BPIFC: variants seen among roughly 807,000 people sequenced by gnomAD.
BPIFC encodes BPI fold containing family C, also known as BPI fold-containing family C protein.
Under a neutral mutation model 57.6 loss-of-function variants are expected in BPIFC, and 60 were observed. The observed-to-expected ratio is 1.04, with a 90% confidence interval of 0.85 to 1.29. BPIFC has a LOEUF of 1.29. Ranked by LOEUF, BPIFC falls within the 50% of genes most tolerant of loss-of-function variation. BPIFC has a pLI of 0.00. For synonymous variants in BPIFC, 243 were observed against 224.5 expected (o/e 1.08, Z -0.74); for missense variants, 581 against 600.5 (o/e 0.97, Z 0.34).
intron 14 of BPIFC, among the ~76,000 whole-genome samples, chr22:32,418,676 G>C (rs145567989): frequency 6.6e-6 from 1 of 152,100 alleles, no homozygotes; most frequent in African/African-American, 2.4e-5. Flanking sequence ...AATGAATACC[G>C]TTAATACTAA....
intron 3 of BPIFC, among the ~76,000 whole-genome samples, chr22:32,456,220 G>A (rs531894587): frequency 6.6e-6 from 1 of 152,328 alleles, no homozygotes; most frequent in African/African-American, 2.4e-5. Context: ...ATAGTAACAA[G>A]ATACACACAC....
At chr22:32,417,753 C>T (rs73170319) in intron 14 of BPIFC, among the ~76,000 whole-genome samples, 7,319 of 152,272 alleles carry the variant, frequency 0.048, 230 homozygotes, top group South Asian at 0.086. Context: ...TTAGATTTCC[C>T]AATTAGCAAT....
At chr22:32,461,516 G>A (rs1935159905) in intron 2 of BPIFC, 58 bp downstream of exon 2, 39 of 911,222 alleles carry the variant, frequency 4.3e-5, no homozygotes, top group Non-Finnish European at 5.1e-5. Flanking sequence ...AGCCCTCCAT[G>A]TCCTGAGAGG....
chr22:32,461,109 G>C (rs1935150093), intron 2 of BPIFC, among the ~76,000 whole-genome samples: 1 of 152,180 alleles, frequency 6.6e-6, no homozygotes, highest in South Asian at 2.1e-4. Flanking sequence ...GGGAGGACAG[G>C]GGATGTCTTA....
chr22:32,450,129 CACACACACACACAT>C (rs1934852959), intron 4 of BPIFC, among the ~76,000 whole-genome samples: 2 of 101,922 alleles, frequency 2.0e-5, no homozygotes, highest in South Asian at 2.7e-4. Flanking sequence ...CACACACACA[CACACACACACACAT>C]ATATACACAT....
In BPIFC at chr22:32,442,630, T is replaced by C. The variant is rs769705661; in HGVS notation, c.655+41A>G. 8.8e-6 allele frequency: 14 copies of C among 1,586,160 alleles called. No individual in the cohort carries two copies. The Admixed American group carries it at 1.2e-4, about 13-fold the overall frequency. ...CCCAGGCAGTACCAGCTTTTGAAGG[T>C]AGGAAGACAACCATCTGGAAAAGAC... is the stretch of plus-strand genomic sequence containing the variant. On this transcript the variant is annotated intron_variant, in intron 8 of 16. Coordinates refer to ENST00000300399, the MANE Select transcript of BPIFC (RefSeq NM_174932.3).
chr22:32,452,803 A>G (rs1934931543), intron 4 of BPIFC, among the ~76,000 whole-genome samples: 1 of 152,162 alleles, frequency 6.6e-6, no homozygotes, highest in African/African-American at 2.4e-5. Context: ...GTCACAGAGA[A>G]CCCCTTAGAA....
chr22:32,427,017 C>T (rs1474009139), intron 13 of BPIFC, among the ~76,000 whole-genome samples: 1 of 152,198 alleles, frequency 6.6e-6, no homozygotes, highest in Non-Finnish European at 1.5e-5. Flanking sequence ...GCTAAGGCAT[C>T]AGAGCACCAG....
At chr22:32,462,168 C>CAAAAAAAAAAAAAAAAAAAAAAAAAAA (rs35716277) in intron 1 of BPIFC, among the ~76,000 whole-genome samples, 65 of 53,554 alleles carry the variant, frequency 1.2e-3, no homozygotes, top group East Asian at 3.0e-3. Flanking sequence ...GACTCCATCT[C>CAAAAAAAAAAAAAAAAAAAAAAAAAAA]AAAAAAAAAA....
In BPIFC at chr22:32,453,452, A is replaced by G. The variant is rs765358108; in HGVS notation, c.176T>C (p.Leu59Pro). 9 of 1,606,898 alleles carry G rather than the reference A, an allele frequency of 5.6e-6. No individual in the cohort carries two copies. The highest frequency in any genetic ancestry group is 7.6e-6 in the Non-Finnish European group (9 of 1,178,342). The change falls in exon 4 of 17, where the codon CTC becomes CCC. Residue 59 changes from leucine (L) to proline (P), a missense_variant. Leu to Pro is a moderately conservative substitution (Grantham distance 98). Transcript: ENST00000300399. ...MIEQMLKEKKLPDLSGSESLE... is the reference protein window; with the variant it reads ...MIEQMLKEKKPPDLSGSESLE... Reference sequence around the variant, plus strand: ...AGACTCAGAACCGCTTAAATCTGGGAGTTTCTTTTCTTTTAGCATTTGCTC... The same window carrying G: ...AGACTCAGAACCGCTTAAATCTGGGGGTTTCTTTTCTTTTAGCATTTGCTC...
At chr22:32,426,685 A>C (rs1406993863) in intron 13 of BPIFC, among the ~76,000 whole-genome samples, 1 of 152,058 alleles carries the variant, frequency 6.6e-6, no homozygotes, top group Non-Finnish European at 1.5e-5. Flanking sequence ...TGAGGTCAGG[A>C]GTTCGAGACC....
chr22:32,432,276 C>T (rs1013155742), intron 12 of BPIFC, 97 bp downstream of exon 12: 17 of 1,338,586 alleles, frequency 1.3e-5, no homozygotes, highest in Non-Finnish European at 1.7e-5. Context: ...ATGTAGCATC[C>T]CCACCCTCTT....
At chr22:32,446,294 T>C (rs1934727397) in intron 5 of BPIFC, among the ~76,000 whole-genome samples, 1 of 152,182 alleles carries the variant, frequency 6.6e-6, no homozygotes, top group African/African-American at 2.4e-5. Context: ...TCATATACAA[T>C]GTTTGTTTGG....
In BPIFC at chr22:32,457,357, C is replaced by T; in HGVS notation, c.30G>A (p.Trp10Ter). Residue 10 changes from tryptophan (W) to a stop codon, truncating the protein, a stop_gained, in exon 3 of 17, where the codon TGG becomes TGA. Transcript: ENST00000300399. LOFTEE classifies it high-confidence loss of function. MCTKTIPVL[W>*]GCFLLWNLYV... ...AGAGATTCCACAGGAGGAAACATCC[C>T]CAGAGGACTGGGATTGTCTTTGTAC... is the stretch of plus-strand genomic sequence containing the variant. 4 of 1,610,390 alleles carry T rather than the reference C, an allele frequency of 2.5e-6. No homozygotes were observed. Among genetic ancestry groups the T allele is most frequent in the Non-Finnish European group, 3.4e-6 (4 of 1,178,954 alleles).
intron 7 of BPIFC, among the ~76,000 whole-genome samples, chr22:32,445,131 G>C (rs1934680962): frequency 6.6e-6 from 1 of 152,202 alleles, no homozygotes; most frequent in African/African-American, 2.4e-5. Flanking sequence ...GCACATAGTA[G>C]GGATTTGAGA....
At chr22:32,423,131 G>A (rs1264162077) in intron 13 of BPIFC, among the ~76,000 whole-genome samples, 1 of 152,206 alleles carries the variant, frequency 6.6e-6, no homozygotes, top group East Asian at 1.9e-4. Flanking sequence ...GCCGGCTTGA[G>A]AAGTAGGACC....
intron 9 of BPIFC, among the ~76,000 whole-genome samples, chr22:32,436,525 T>C (rs1325795777): frequency 6.6e-6 from 1 of 152,166 alleles, no homozygotes; most frequent in East Asian, 1.9e-4. Flanking sequence ...GATGAAAAAC[T>C]GTTAAGGCTT....
At chr22:32,462,013 T>A (rs1388819312) in intron 1 of BPIFC, among the ~76,000 whole-genome samples, 3 of 150,692 alleles carry the variant, frequency 2.0e-5, no homozygotes, top group Non-Finnish European at 4.4e-5. Flanking sequence ...CTACTAAAAA[T>A]ACAAAAATTA....
intron 13 of BPIFC, among the ~76,000 whole-genome samples, chr22:32,420,471 C>T (rs61112224): frequency 6.2e-4 from 95 of 152,212 alleles, no homozygotes; most frequent in African/African-American, 2.2e-3. Context: ...TCACTCACAC[C>T]ATTTTTTTAG....
Sources: allele counts gnomAD v4.1 joint callset (sites outside exome capture counted in the v4.1 genomes callset), GRCh38; gene constraint gnomAD v4.1.1; transcripts MANE v1.5; gene names NCBI Gene and HGNC (gene_info 2026-07-23, HGNC 2026-07-21).